Variants in CYTH3 observed in about 807,000 individuals in gnomAD.
CYTH3 encodes cytohesin-3.
Under a neutral mutation model 55.1 loss-of-function variants are expected in CYTH3, and 23 were observed. The ratio of observed to expected loss-of-function variants is 0.42; its 90% CI spans 0.30 to 0.59. CYTH3 has a LOEUF of 0.59. Ranked by LOEUF, CYTH3 falls within the 20% of genes least tolerant of loss-of-function variation. The pLI is 0.20. For missense variants in CYTH3, 413 were observed against 524.8 expected, an observed-to-expected ratio of 0.79 and a Z score of 2.08; for synonymous variants, 249 against 194.9, an observed-to-expected ratio of 1.28 and a Z score of -2.31.
chr7:6,263,785 G>C (rs1780415196), intron 1 of CYTH3, among the ~76,000 whole-genome samples: 1 of 148,780 alleles, frequency 6.7e-6, no homozygotes, highest in Non-Finnish European at 1.5e-5. Flanking sequence ...GAAACAGAGT[G>C]AGGACACTAA....
At chr7:6,185,734 C>G (rs1169936466) in intron 4 of CYTH3, among the ~76,000 whole-genome samples, 1 of 151,682 alleles carries the variant, frequency 6.6e-6, no homozygotes, top group Non-Finnish European at 1.5e-5. Flanking sequence ...GGTGCAGTGG[C>G]GCATACCTGC....
rs1583733348 is a variant in CYTH3, at chr7:6,170,358, C to A, written c.823+177G>T. 4.9e-6 allele frequency: 3 copies of A among 618,226 alleles called. No individual in the cohort carries two copies. In the Admixed American group the frequency reaches 9.6e-5, roughly 20 times the overall value. The allele number at this position is 618,226 out of a possible 1,614,324, so 38.3% of individuals were successfully genotyped here. On this transcript the variant is annotated intron_variant, in intron 9 of 12. Transcript: ENST00000350796. This position sits in a 1 kb window ranked among gnomAD's most constrained non-coding sequence, Gnocchi z 7.8. ...CGGGCATGGCTCTGAGGCCCCGGCT[C>A]GGAGAAGCAGCCGTGGCCATGCAGC... is the stretch of plus-strand genomic sequence containing the variant.
At chr7:6,229,496 C>A (rs1429701749) in intron 1 of CYTH3, among the ~76,000 whole-genome samples, 1 of 151,948 alleles carries the variant, frequency 6.6e-6, no homozygotes, top group African/African-American at 2.4e-5. Context: ...GTTTTCCCAG[C>A]GGTCGAGTAG....
At chr7:6,180,425 T>TGCAGAGAAGGC (rs1783477612) in intron 4 of CYTH3, among the ~76,000 whole-genome samples, 1 of 152,172 alleles carries the variant, frequency 6.6e-6, no homozygotes. Flanking sequence ...GAGGAGAAGG[T>TGCAGAGAAGGC]GCAGAGAAGG....
intron 1 of CYTH3, among the ~76,000 whole-genome samples, chr7:6,223,819 G>A (rs1583175427): frequency 2.2e-5 from 1 of 45,152 alleles, no homozygotes; most frequent in Non-Finnish European, 4.0e-5. Flanking sequence ...AAACACCCAA[G>A]AATGATCAAT....
intron 1 of CYTH3, among the ~76,000 whole-genome samples, chr7:6,269,254 G>A (rs190891867): frequency 1.3e-4 from 20 of 152,264 alleles, no homozygotes; most frequent in Admixed American, 3.9e-4. Context: ...ACTCTTACCC[G>A]TAAATGTTTG....
chr7:6,223,469 A>G (rs1779144104), intron 1 of CYTH3, among the ~76,000 whole-genome samples: 1 of 152,246 alleles, frequency 6.6e-6, no homozygotes, highest in Non-Finnish European at 1.5e-5. Context: ...CATAGGAGAC[A>G]TCATTTTGTT....
chr7:6,205,875 T>TAAAAAAAA lies in CYTH3; in HGVS notation c.35-15352_35-15345dup, dbSNP rs370194149. Among the ~76,000 whole-genome samples the TAAAAAAAA allele has an allele frequency of 4.3e-4, 12 of 28,090 alleles. 1 individual carries two copies. The highest frequency in any genetic ancestry group is 1.9e-3 in the African/African-American group (12 of 6,414). The allele number at this position is 28,090 out of a possible 152,430, so 18.4% of individuals were successfully genotyped here. A position where few individuals can be genotyped will look rare whatever the true frequency, so the allele number is the denominator to read the frequency against. On this transcript the variant is annotated intron_variant, in intron 1 of 12. Transcript: ENST00000350796. ...GGTGACAGAGCAAGGTCCTATCTCT[T>TAAAAAAAA]AAAAAAAAAAAAAAAAAAAAAAAAA...
chr7:6,169,311 C>T lies in CYTH3; in HGVS notation c.823+1224G>A, dbSNP rs192203205. 2.7e-4 allele frequency among the ~76,000 whole-genome samples: 41 copies of T among 152,290 alleles called. No individual in the cohort carries two copies. The highest frequency in any genetic ancestry group is 9.9e-4 in the African/African-American group (41 of 41,562). On this transcript the variant is annotated intron_variant, in intron 9 of 12. Transcript: ENST00000350796. This position sits in a 1 kb window ranked among gnomAD's most constrained non-coding sequence, Gnocchi z 4.1. ...TCATGGTTCATTGGAGCCTCAACCTCCTGGGCTCAGGCCATCCTCCTGCCT... is the reference window on the plus strand; with the variant it reads ...TCATGGTTCATTGGAGCCTCAACCTTCTGGGCTCAGGCCATCCTCCTGCCT...
intron 1 of CYTH3, among the ~76,000 whole-genome samples, chr7:6,270,024 G>A (rs1167849284): frequency 1.3e-5 from 2 of 152,096 alleles, no homozygotes; most frequent in African/African-American, 4.8e-5. Context: ...AAAATGTTAT[G>A]CTTTATAATC....
chr7:6,267,192 C>T (rs1456627778), intron 1 of CYTH3, among the ~76,000 whole-genome samples: 3 of 152,194 alleles, frequency 2.0e-5, no homozygotes, highest in Non-Finnish European at 4.4e-5. Context: ...ATGCTGGCAC[C>T]ATGCCTGTAC....
intron 4 of CYTH3, among the ~76,000 whole-genome samples, chr7:6,179,662 ACCCCACACACACACCACACACACCC>A (rs1486137282): frequency 0.018 from 1,263 of 72,144 alleles, 62 homozygotes; most frequent in African/African-American, 0.072. Context: ...CCCCACACAC[ACCCCACACACACACCACACACACCC>A]CCCCACACAC....
At chr7:6,165,640 GGGCTCACTGTGGGTCACC>G (rs1276721796) in intron 10 of CYTH3, 24 bp from the exon 11 acceptor site, 1 of 1,613,216 alleles carries the variant, frequency 6.2e-7, no homozygotes, top group East Asian at 2.2e-5. Context: ...GTACACGGCG[GGGCTCACTGTGGGTCACC>G]AGCCTGAGGG....
chr7:6,257,805 T>C (rs1780168226), intron 1 of CYTH3, among the ~76,000 whole-genome samples: 1 of 152,146 alleles, frequency 6.6e-6, no homozygotes, highest in African/African-American at 2.4e-5. Flanking sequence ...GTTCAATCAT[T>C]TAAACAAGAG....
At chr7:6,248,318 G>A (rs771050640) in intron 1 of CYTH3, among the ~76,000 whole-genome samples, 2 of 145,870 alleles carry the variant, frequency 1.4e-5, no homozygotes, top group Non-Finnish European at 3.0e-5. Context: ...TTTTATTGTT[G>A]CTGTTTTCTA....
chr7:6,235,177 G>A (rs1160124151), intron 1 of CYTH3, among the ~76,000 whole-genome samples: 1 of 152,190 alleles, frequency 6.6e-6, no homozygotes, highest in Non-Finnish European at 1.5e-5. Flanking sequence ...GATCCACGCA[G>A]TAAGAACTGC....
chr7:6,269,120 C>A (rs560896150), intron 1 of CYTH3, among the ~76,000 whole-genome samples: 3 of 152,132 alleles, frequency 2.0e-5, no homozygotes, highest in Non-Finnish European at 4.4e-5. Context: ...CCAATCCCAG[C>A]CGGAAGCCAG....
rs1430799898 is a variant in CYTH3 at position 6,223,403 on chromosome 7, G to A, written c.35-32872C>T. ...TTTGTCGAAAAGAAAAGGGGGAAATGTGGGGAAAAGAAAGAGAGATCAGAT... is the reference window on the plus strand; with the variant it reads ...TTTGTCGAAAAGAAAAGGGGGAAATATGGGGAAAAGAAAGAGAGATCAGAT... On this transcript the variant is annotated intron_variant, in intron 1 of 12. Transcript: ENST00000350796. Among the ~76,000 whole-genome samples the A allele has an allele frequency of 5.3e-5, 8 of 152,242 alleles. No individual in the cohort carries two copies. In the East Asian group the frequency reaches 1.5e-3, roughly 29 times the overall value.
rs1755491042 is a variant in CYTH3, at chr7:6,214,510, A to G, written c.35-23979T>C. ...AACCTACAGCATCTGGCTCTTCAAA[A>G]CCATACAAACTGGTGCTTTTTCCAA... On this transcript the variant is annotated intron_variant, in intron 1 of 12. Transcript: ENST00000350796. Among the ~76,000 whole-genome samples, 4 of 152,218 alleles carry G rather than the reference A, an allele frequency of 2.6e-5. No homozygotes were observed. The South Asian group carries it at 8.3e-4, about 32-fold the overall frequency.
Sources: gnomAD v4.1 joint callset for allele counts (sites outside exome capture counted in the v4.1 genomes callset) on GRCh38, gnomAD v4.1.1 for gene constraint, Gnocchi (gnomAD v3.1) non-coding constraint, MANE v1.5 for transcripts, NCBI Gene and HGNC (gene_info 2026-07-23, HGNC 2026-07-21) for gene names.